Variants in FSIP2 observed in about 807,000 individuals in gnomAD.
FSIP2 encodes the protein fibrous sheath-interacting protein 2.
Under a neutral mutation model 510.5 loss-of-function variants are expected in FSIP2, and 367 were observed. The ratio of observed to expected loss-of-function variants is 0.72; its 90% CI spans 0.66 to 0.78. The LOEUF is 0.78. Among genes scored for constraint, FSIP2 ranks in the 30% least tolerant of loss-of-function variants. The probability of loss-of-function intolerance (pLI) is 0.00; values close to 1 mark genes in which losing one functional copy is unlikely to be tolerated. For synonymous variants in FSIP2, 2,601 were observed against 2,732.2 expected, an observed-to-expected ratio of 0.95 and a Z score of 1.50; for missense variants, 7,594 against 7,901.7, an observed-to-expected ratio of 0.96 and a Z score of 1.48.
chr2:185,827,501 GC>G lies in FSIP2; in HGVS notation c.20474-653del, dbSNP rs139355040. Reference sequence around the variant, plus strand: ...GCTAAGATGTAAATACAGGGTTTCTGCCTTCTTAGCAGATTAGCTGCTTCCC... The same window carrying G: ...GCTAAGATGTAAATACAGGGTTTCTGCTTCTTAGCAGATTAGCTGCTTCCC... On this transcript the variant is annotated intron_variant, in intron 20 of 22. Transcript: ENST00000424728. 1.6e-3 allele frequency among the ~76,000 whole-genome samples: 242 copies of G among 151,980 alleles called. 1 individual carries two copies. Among genetic ancestry groups the G allele is most frequent in the Admixed American group, 5.0e-3 (76 of 15,230 alleles).
chr2:185,764,135 C>A (rs1574162475), intron 12 of FSIP2, among the ~76,000 whole-genome samples: 1 of 151,440 alleles, frequency 6.6e-6, no homozygotes, highest in African/African-American at 2.4e-5. Context: ...TATTACTGAC[C>A]TTTTTAGGGT....
In FSIP2 at chr2:185,796,563, GAAAGTTTGTTCC is replaced by G; in HGVS notation, c.9430_9441del (p.Ser3144_Gln3147del). 6.5e-7 allele frequency: 1 copy of G among 1,535,008 alleles called. No individual in the cohort carries two copies. The highest frequency in any genetic ancestry group is 8.7e-7 in the Non-Finnish European group (1 of 1,146,208). On this transcript the variant is annotated inframe_deletion, in exon 16 of 23. Coordinates refer to ENST00000424728, the MANE Select transcript of FSIP2 (RefSeq NM_173651.4). ...GTCTTTGATACAAAACCTTTCAAGA[GAAAGTTTGTTCC>G]AAGGAGCTGAAAATGCCTACACTGT...
Position 185,747,437 on chromosome 2 carries a change from T to C in FSIP2, c.870+14T>C. ...AGTGACAGGAAGGTAGGGTGAGCTT[T>C]AACCTCTAACTTGAGCTGTTCGAAG... On this transcript the variant is annotated intron_variant, in intron 7 of 22. Coordinates refer to ENST00000424728, the MANE Select transcript of FSIP2 (RefSeq NM_173651.4). 1 of 1,359,540 alleles carries C rather than the reference T, an allele frequency of 7.4e-7. No individual in the cohort carries two copies. Among genetic ancestry groups the C allele is most frequent in the Non-Finnish European group, 1.0e-6 (1 of 986,830 alleles). 84.2% of individuals were successfully genotyped at this position (1,359,540 alleles called of 1,614,324 possible).
At position 185,805,068 on chromosome 2, in the gene FSIP2, C is replaced by T. The variant is rs1174765058; in HGVS notation, c.15762C>T (p.Asp5254=). The T allele has an allele frequency of 4.4e-6, 7 of 1,602,720 alleles. No individual in the cohort carries two copies. Among genetic ancestry groups the T allele is most frequent in the Non-Finnish European group, 6.0e-6 (7 of 1,176,366 alleles). The change falls in exon 17 of 23, where the codon GAC becomes GAT. Residue 5254 remains aspartate, a synonymous_variant. Transcript: ENST00000424728. ...ESSFSDLSDY[D]HVSELAKSGK... is the part of the protein sequence containing the mutation. ...CTTTCAGTGACTTATCTGATTATGA[C>T]CATGTCTCTGAACTTGCTAAATCTG...
intron 19 of FSIP2, among the ~76,000 whole-genome samples, chr2:185,821,022 A>G (rs71432412): frequency 1.4e-3 from 176 of 129,356 alleles, no homozygotes; most frequent in Middle Eastern, 4.3e-3. Context: ...AAAAAAAAAA[A>G]AAAAAAAAAA....
intron 18 of FSIP2, 132 bp downstream of exon 18, chr2:185,814,174 G>A (rs1693791715): frequency 2.2e-6 from 2 of 906,116 alleles, no homozygotes; most frequent in Non-Finnish European, 3.3e-6. Context: ...GATATTTACA[G>A]GATAAGGGAA....
chr2:185,813,789 A>G lies in FSIP2; in HGVS notation c.20072A>G (p.Lys6691Arg). ...KVFEDQVKEV[K>R]KPIQSKLSPK... ...TTTGAAGATCAAGTGAAAGAAGTCAAGAAGCCAATACAAAGCAAACTTTCT... is the reference window on the plus strand; with the variant it reads ...TTTGAAGATCAAGTGAAAGAAGTCAGGAAGCCAATACAAAGCAAACTTTCT... The change falls in exon 18 of 23, where the codon AAG (lysine) becomes AGG (arginine). Residue 6691 changes from lysine to arginine, a missense_variant. Coordinates refer to ENST00000424728, the MANE Select transcript of FSIP2 (RefSeq NM_173651.4). 1 of 1,613,458 alleles carries G rather than the reference A, an allele frequency of 6.2e-7. No homozygotes were observed. Among genetic ancestry groups the G allele is most frequent in the African/African-American group, 1.3e-5 (1 of 75,036 alleles).
At chr2:185,779,565 G>A (rs1692798496) in intron 13 of FSIP2, among the ~76,000 whole-genome samples, 1 of 151,988 alleles carries the variant, frequency 6.6e-6, no homozygotes, top group South Asian at 2.1e-4. Flanking sequence ...TAAAATAAAA[G>A]TTAAAATTGG....
At chr2:185,782,479 A>ATAAG (rs1388364153) in intron 13 of FSIP2, among the ~76,000 whole-genome samples, 1 of 152,210 alleles carries the variant, frequency 6.6e-6, no homozygotes, top group Non-Finnish European at 1.5e-5. Flanking sequence ...GGACCATAGC[A>ATAAG]TAAGTATGAA....
chr2:185,816,200 AT>A (rs74860943), intron 19 of FSIP2, among the ~76,000 whole-genome samples: 102 of 149,012 alleles, frequency 6.8e-4, no homozygotes, highest in Middle Eastern at 3.5e-3. Context: ...AAATCTAGTG[AT>A]TTTTTTTTTT....
chr2:185,804,575 A>G lies in FSIP2; in HGVS notation c.15269A>G (p.Asn5090Ser). 1 of 1,532,586 alleles carries G rather than the reference A, an allele frequency of 6.5e-7. No individual in the cohort carries two copies. The highest frequency in any genetic ancestry group is 8.7e-7 in the Non-Finnish European group (1 of 1,144,754). The allele number at this position is 1,532,586 out of a possible 1,614,324, so 94.9% of individuals were successfully genotyped here. ...SSSYSYPQAD[N>S]IIRNVLNIIT... The stretch of plus-strand genomic sequence containing the variant: ...TCTTATTCGTATCCCCAAGCTGATA[A>G]TATCATCAGAAATGTGCTTAACATA... The change falls in exon 17 of 23, where the codon AAT (asparagine) becomes AGT (serine). Residue 5090 changes from asparagine (N) to serine (S), a missense_variant. Transcript: ENST00000424728.
chr2:185,786,156 A>T, intron 14 of FSIP2, 96 bp from the exon 15 acceptor site: 2 of 772,858 alleles, frequency 2.6e-6, no homozygotes, highest in Non-Finnish European at 2.0e-6. Flanking sequence ...AAAATCTTAG[A>T]TACAACAAAA....
At chr2:185,780,398 TTC>T (rs1162126993) in intron 13 of FSIP2, among the ~76,000 whole-genome samples, 21 of 151,858 alleles carry the variant, frequency 1.4e-4, no homozygotes, top group African/African-American at 5.1e-4. Context: ...AGTTCGCTAA[TTC>T]TCTCTTTAGT....
In FSIP2 at chr2:185,791,214, T is replaced by C. The variant is rs1434913114; in HGVS notation, c.4078T>C (p.Cys1360Arg). ...DDILASPLLT[C>R]IYDMLLSSEN... Reference sequence around the variant, plus strand: ...CATTTTGGCGAGTCCATTATTAACCTGTATTTATGATATGTTGTTATCAAG... The same window carrying C: ...CATTTTGGCGAGTCCATTATTAACCCGTATTTATGATATGTTGTTATCAAG... The change falls in exon 16 of 23, where the codon TGT becomes CGT. Residue 1360 changes from cysteine (C) to arginine (R), a missense_variant. Physicochemically the swap from Cys to Arg is radical, Grantham distance 180 (BLOSUM62 -3). Transcript: ENST00000424728. The C allele has an allele frequency of 2.6e-6, 4 of 1,533,776 alleles. No individual in the cohort carries two copies. In the African/African-American group the frequency reaches 5.5e-5, roughly 21 times the overall value.
At chr2:185,798,891 C>T (rs1195665057) in intron 16 of FSIP2, among the ~76,000 whole-genome samples, 1 of 151,864 alleles carries the variant, frequency 6.6e-6, no homozygotes, top group Admixed American at 6.6e-5. Context: ...ACCTTTTCCT[C>T]ATTCCCTGTA....
At chr2:185,748,540 T>A (rs528692888) in intron 7 of FSIP2, among the ~76,000 whole-genome samples, 6 of 152,018 alleles carry the variant, frequency 3.9e-5, no homozygotes, top group Middle Eastern at 3.4e-3. Flanking sequence ...AAACTGCACA[T>A]CTCTGGGCGG....
chr2:185,759,855 A>ATT (rs1692316631), intron 9 of FSIP2, among the ~76,000 whole-genome samples: 2 of 150,366 alleles, frequency 1.3e-5, no homozygotes, highest in Admixed American at 6.7e-5. Flanking sequence ...AATTAGCATA[A>ATT]TTTCTTGCTT....
At chr2:185,813,108 T>C (rs963861058) in intron 17 of FSIP2, among the ~76,000 whole-genome samples, 5 of 152,062 alleles carry the variant, frequency 3.3e-5, no homozygotes, top group Non-Finnish European at 7.4e-5. Flanking sequence ...TTTGGGGTAT[T>C]CATTACTTTT....
chr2:185,776,614 ATC>A (rs1236206543), intron 13 of FSIP2, among the ~76,000 whole-genome samples: 8 of 152,170 alleles, frequency 5.3e-5, no homozygotes, highest in Non-Finnish European at 7.4e-5. Flanking sequence ...TAGGCTTTAA[ATC>A]TGTTTTCATT....
Sources: allele counts gnomAD v4.1 joint callset (sites outside exome capture counted in the v4.1 genomes callset), GRCh38; gene constraint gnomAD v4.1.1; transcripts MANE v1.5; gene names NCBI Gene and HGNC (gene_info 2026-07-23, HGNC 2026-07-21).